VPS13B: variants seen among roughly 807,000 people sequenced by gnomAD.
The protein encoded by VPS13B is vacuolar protein sorting 13 homolog B.
A neutral mutation model predicts 426.4 loss-of-function variants in VPS13B; 285 were observed. That is an observed-to-expected ratio of 0.67 (90% CI 0.61 to 0.74). The LOEUF (loss-of-function observed/expected upper bound fraction) is 0.74. Among genes scored for constraint, VPS13B ranks in the 30% least tolerant of loss-of-function variants. The pLI, the probability that VPS13B is intolerant of heterozygous loss-of-function variation, is 0.00. For synonymous variants in VPS13B, 1,676 were observed against 1,676.4 expected (o/e 1.00, Z 0.01); for missense variants, 4,537 against 4,782.6 (o/e 0.95, Z 1.51).
chr8:99,541,670 C>T (rs1441741345), intron 30 of VPS13B, among the ~76,000 whole-genome samples: 1 of 152,152 alleles, frequency 6.6e-6, no homozygotes, highest in Non-Finnish European at 1.5e-5. Flanking sequence ...ATAAATCTAT[C>T]TCCATACTTT....
chr8:99,296,216 T>C (rs1165320113), intron 19 of VPS13B, among the ~76,000 whole-genome samples: 1 of 152,186 alleles, frequency 6.6e-6, no homozygotes, highest in Non-Finnish European at 1.5e-5. Flanking sequence ...GTTACCCTTT[T>C]AATTATCTAT....
chr8:99,610,303 CA>C, intron 33 of VPS13B, among the ~76,000 whole-genome samples: 1 of 152,268 alleles, frequency 6.6e-6, no homozygotes, highest in African/African-American at 2.4e-5. Context: ...ATGTTCATTG[CA>C]GCACTATTCA....
chr8:99,430,751 T>C (rs1817056064), intron 21 of VPS13B, among the ~76,000 whole-genome samples: 1 of 149,164 alleles, frequency 6.7e-6, no homozygotes, highest in African/African-American at 2.5e-5. Context: ...TGTCTCACTC[T>C]GTTGCCCAGG....
rs1434392894 is a variant in VPS13B at position 99,103,196 on chromosome 8, C to T, written c.580+76C>T. 6 of 1,518,928 alleles carry T rather than the reference C, an allele frequency of 4.0e-6. No homozygotes were observed. The Admixed American group carries it at 1.0e-4, about 25-fold the overall frequency. The allele number at this position is 1,518,928 out of a possible 1,614,324, so 94.1% of individuals were successfully genotyped here. On this transcript the variant is annotated intron_variant, in intron 5 of 61. Transcript: ENST00000357162. Reference sequence around the variant, plus strand: ...CCTTAACTCTTAACCCTTCTTTGGGCCAACTGAGTTGCTGGTAAATGTTAT... The same window carrying T: ...CCTTAACTCTTAACCCTTCTTTGGGTCAACTGAGTTGCTGGTAAATGTTAT...
chr8:99,591,433 T>G (rs1395494615), intron 33 of VPS13B, among the ~76,000 whole-genome samples: 1 of 152,114 alleles, frequency 6.6e-6, no homozygotes, highest in African/African-American at 2.4e-5. Flanking sequence ...AATGATGCAG[T>G]TTCTTCATAG....
chr8:99,318,873 T>C (rs1563666099), intron 19 of VPS13B, among the ~76,000 whole-genome samples: 2 of 152,144 alleles, frequency 1.3e-5, no homozygotes, highest in Non-Finnish European at 2.9e-5. Context: ...TGTTCAGGTG[T>C]GTTATTTTAA....
chr8:99,631,257 G>A (rs1292100220), intron 33 of VPS13B, among the ~76,000 whole-genome samples: 1 of 151,994 alleles, frequency 6.6e-6, no homozygotes, highest in Non-Finnish European at 1.5e-5. Flanking sequence ...GGGAATCATG[G>A]CATGACTTCA....
intron 12 of VPS13B, 90 bp downstream of exon 12, chr8:99,136,842 T>C: frequency 1.6e-6 from 2 of 1,221,454 alleles, no homozygotes; most frequent in Non-Finnish European, 2.4e-6. Context: ...CTGGTTGTAC[T>C]CTGCTACATA....
intron 39 of VPS13B, among the ~76,000 whole-genome samples, chr8:99,734,812 G>A (rs1344452140): frequency 6.6e-6 from 1 of 152,140 alleles, no homozygotes; most frequent in African/African-American, 2.4e-5. Context: ...GGAGACATCT[G>A]GAGGCAGAAT....
intron 43 of VPS13B, among the ~76,000 whole-genome samples, chr8:99,789,434 G>A (rs958587758): frequency 1.3e-5 from 2 of 152,072 alleles, no homozygotes; most frequent in Non-Finnish European, 2.9e-5. Flanking sequence ...TGTTTAGAAA[G>A]GGCAAATGAA....
intron 3 of VPS13B, 117 bp from the exon 4 acceptor site, chr8:99,096,195 A>T (rs1203812034): frequency 1.7e-6 from 2 of 1,210,364 alleles, no homozygotes; most frequent in Non-Finnish European, 2.3e-6. Context: ...TAAAAAATAA[A>T]ATTATGTTGA....
At chr8:99,819,798 A>C (rs767300695) in intron 48 of VPS13B, 123 bp from the exon 49 acceptor site, 16 of 1,338,418 alleles carry the variant, frequency 1.2e-5, no homozygotes, top group African/African-American at 2.9e-5. Context: ...TTTAGCATTG[A>C]AAGATTCTGG....
At chr8:99,208,350 T>G (rs1814854998) in intron 17 of VPS13B, among the ~76,000 whole-genome samples, 1 of 152,186 alleles carries the variant, frequency 6.6e-6, no homozygotes, top group Non-Finnish European at 1.5e-5. Context: ...ATATCACATA[T>G]CATTAAGACT....
intron 16 of VPS13B, among the ~76,000 whole-genome samples, chr8:99,191,572 C>CG (rs1813595869): frequency 6.6e-6 from 1 of 151,546 alleles, no homozygotes; most frequent in African/African-American, 2.4e-5. Context: ...TTGCTAGAGA[C>CG]GGGGTTTCAC....
At chr8:99,125,061 A>G (rs1461610969) in intron 8 of VPS13B, among the ~76,000 whole-genome samples, 1 of 151,998 alleles carries the variant, frequency 6.6e-6, no homozygotes, top group Admixed American at 6.6e-5. Context: ...TATGAAAGGG[A>G]GTTTATTAAG....
chr8:99,355,419 C>T (rs1230877605), intron 19 of VPS13B, among the ~76,000 whole-genome samples: 1 of 152,086 alleles, frequency 6.6e-6, no homozygotes, highest in African/African-American at 2.4e-5. Context: ...GGTGAAACCC[C>T]GTCTCTACTG....
rs369665243 is a variant in VPS13B at position 99,737,066 on chromosome 8, G to GA, written c.7050+16021dup. Reference sequence around the variant, plus strand: ...GTTTAATGAAAAATTCTGTCCTATTGAATTTGAAGTGTTTCAGGAAAGCCT... The same window carrying GA: ...GTTTAATGAAAAATTCTGTCCTATTGAAATTTGAAGTGTTTCAGGAAAGCCT... On this transcript the variant is annotated intron_variant, in intron 39 of 61. Coordinates refer to ENST00000357162, the MANE Select transcript of VPS13B (RefSeq NM_152564.5). Among the ~76,000 whole-genome samples the GA allele has an allele frequency of 3.9e-3, 456 of 118,258 alleles. 2 individuals are homozygous for GA. The highest frequency in any genetic ancestry group is 6.2e-3 in the Non-Finnish European group (361 of 58,200). The allele number at this position is 118,258 out of a possible 152,430, so 77.6% of individuals were successfully genotyped here.
chr8:99,016,740 G>C (rs78294548), intron 2 of VPS13B, among the ~76,000 whole-genome samples: 1 of 151,662 alleles, frequency 6.6e-6, no homozygotes, highest in East Asian at 1.9e-4. Flanking sequence ...GCAGGCGCCC[G>C]CCACCATGCC....
At chr8:99,354,725 A>C (rs1372850784) in intron 19 of VPS13B, among the ~76,000 whole-genome samples, 1 of 152,092 alleles carries the variant, frequency 6.6e-6, no homozygotes, top group Admixed American at 6.5e-5. Context: ...ATAGTGTTTT[A>C]TTTTGTATTT....
Sources: gnomAD v4.1 joint callset for allele counts (sites outside exome capture counted in the v4.1 genomes callset) on GRCh38, gnomAD v4.1.1 for gene constraint, MANE v1.5 for transcripts, NCBI Gene and HGNC (gene_info 2026-07-23, HGNC 2026-07-21) for gene names.